RHOU: variants seen among roughly 807,000 people sequenced by gnomAD.
RHOU encodes ras homolog family member U, also known as rho-related GTP-binding protein RhoU.
RHOU carries 8 observed loss-of-function variants against 12.6 expected under a neutral mutation model. The ratio of observed to expected loss-of-function variants is 0.64; its 90% CI spans 0.37 to 1.15. The LOEUF is 1.15. Among genes scored for constraint, RHOU ranks in the 50% most tolerant of loss-of-function variants. The pLI is 0.01. For missense variants in RHOU, 258 were observed against 347.0 expected, an observed-to-expected ratio of 0.74 and a Z score of 2.04; for synonymous variants, 161 against 147.4, an observed-to-expected ratio of 1.09 and a Z score of -0.67.
the RHOU span, among the ~76,000 whole-genome samples, chr1:228,699,570 G>T: frequency 6.6e-6 from 1 of 151,480 alleles, no homozygotes; most frequent in Non-Finnish European, 1.5e-5. Context: ...TTTCATAAGA[G>T]GCCAAGTTAT....
chr1:228,663,159 C>A, the RHOU span, among the ~76,000 whole-genome samples: 1 of 152,180 alleles, frequency 6.6e-6, no homozygotes, highest in African/African-American at 2.4e-5. Context: ...TTTATGACAG[C>A]GCAGTTGCAC....
At chr1:228,703,358 C>T in the RHOU span, among the ~76,000 whole-genome samples, 1 of 151,956 alleles carries the variant, frequency 6.6e-6, no homozygotes, top group African/African-American at 2.4e-5. Context: ...AACCCCGTCT[C>T]TACTAAAAAT....
chr1:228,686,853 G>A, the RHOU span, among the ~76,000 whole-genome samples: 1 of 152,054 alleles, frequency 6.6e-6, no homozygotes, highest in South Asian at 2.1e-4. Flanking sequence ...TGATTCTCCT[G>A]CCTCAGCCTC....
At chr1:228,651,137 G>T in the RHOU span, 1 of 211,074 alleles carries the variant, frequency 4.7e-6, no homozygotes, top group South Asian at 9.8e-5. Flanking sequence ...ACCCAGCTTT[G>T]GCTTCATGGG....
the RHOU span, among the ~76,000 whole-genome samples, chr1:228,668,319 C>T: frequency 6.6e-6 from 1 of 152,190 alleles, no homozygotes; most frequent in Non-Finnish European, 1.5e-5. Flanking sequence ...TCTGTGTGCT[C>T]TTCTAGCAAA....
chr1:228,657,279 C>CAA, the RHOU span, among the ~76,000 whole-genome samples: 3,181 of 27,878 alleles, frequency 0.11, 152 homozygotes, highest in East Asian at 0.19. Context: ...AACTCCATCT[C>CAA]AAAAAAAAAA....
At chr1:228,726,461 C>T in the RHOU span, among the ~76,000 whole-genome samples, 6 of 152,120 alleles carry the variant, frequency 3.9e-5, no homozygotes, top group East Asian at 1.9e-4. Flanking sequence ...GTCAGGAGTT[C>T]GAGACTCAGC....
the RHOU span, among the ~76,000 whole-genome samples, chr1:228,677,491 A>G: frequency 6.6e-6 from 1 of 151,486 alleles, no homozygotes; most frequent in Non-Finnish European, 1.5e-5. Flanking sequence ...ATTTACAAAT[A>G]TACAGTCCCC....
the RHOU span, among the ~76,000 whole-genome samples, chr1:228,722,029 G>A: frequency 1.3e-5 from 2 of 152,172 alleles, no homozygotes; most frequent in East Asian, 3.9e-4. Flanking sequence ...CAATTCTTTG[G>A]CAAATAGGCA....
the RHOU span, chr1:228,651,385 G>A: frequency 6.4e-6 from 1 of 156,576 alleles, no homozygotes; most frequent in African/African-American, 2.4e-5. Context: ...GCTAAAACTG[G>A]GATAGAGGAA....
At chr1:228,661,895 C>A in the RHOU span, among the ~76,000 whole-genome samples, 2 of 152,146 alleles carry the variant, frequency 1.3e-5, no homozygotes, top group South Asian at 2.1e-4. Flanking sequence ...AACAGGTAAT[C>A]TACAGAATGG....
the RHOU span, among the ~76,000 whole-genome samples, chr1:228,658,492 C>T: frequency 3.9e-5 from 6 of 152,136 alleles, no homozygotes; most frequent in South Asian, 6.2e-4. Flanking sequence ...GAAGCAGAGA[C>T]GGGGCCTTCG....
chr1:228,712,823 ATAAATAAAT>A, the RHOU span, among the ~76,000 whole-genome samples: 1 of 131,812 alleles, frequency 7.6e-6, no homozygotes, highest in African/African-American at 3.2e-5. Context: ...TAATAAATAA[ATAAATAAAT>A]AAAATAAAAT....
chr1:228,727,256 A>G, the RHOU span, among the ~76,000 whole-genome samples: 1 of 152,192 alleles, frequency 6.6e-6, no homozygotes, highest in East Asian at 1.9e-4. Flanking sequence ...TCTGGGATGC[A>G]TATGATAGAG....
At chr1:228,705,613 T>G in the RHOU span, among the ~76,000 whole-genome samples, 1 of 152,182 alleles carries the variant, frequency 6.6e-6, no homozygotes, top group South Asian at 2.1e-4. Context: ...GTATTGCCAT[T>G]TACTGCCAGT....
the RHOU span, among the ~76,000 whole-genome samples, chr1:228,657,861 A>C: frequency 6.6e-6 from 1 of 152,220 alleles, no homozygotes; most frequent in Admixed American, 6.5e-5. Context: ...GTTAAAAATC[A>C]ATAATAGAAG....
rs1024998173 is a variant in RHOU at position 228,735,604 on chromosome 1, C to G, written c.-139C>G. ...GCCTTTGTCTACTGGCCGTGCGGCC[C>G]GGAACCGCCACTCTCCAGGGCCGGG... is the stretch of plus-strand genomic sequence containing the variant. On this transcript the variant is annotated 5_prime_UTR_variant, in exon 1 of 3. Coordinates refer to ENST00000366691, the MANE Select transcript of RHOU (RefSeq NM_021205.6). The surrounding 1 kb of genome is among the most constrained non-coding windows in gnomAD (Gnocchi z 8.1). The G allele has an allele frequency of 1.1e-5, 7 of 641,744 alleles. No homozygotes were observed. The highest frequency in any genetic ancestry group is 1.5e-5 in the Non-Finnish European group (7 of 472,912). The allele number at this position is 641,744 out of a possible 1,614,324, so 39.8% of individuals were successfully genotyped here.
the RHOU span, among the ~76,000 whole-genome samples, chr1:228,678,292 G>A: frequency 6.6e-6 from 1 of 152,208 alleles, no homozygotes; most frequent in African/African-American, 2.4e-5. Flanking sequence ...AGGCTGGAAG[G>A]AGATATTTTC....
the RHOU span, chr1:228,651,008 C>A: frequency 3.2e-6 from 1 of 308,664 alleles, no homozygotes; most frequent in Non-Finnish European, 6.5e-6. Flanking sequence ...GGTCCTGGTC[C>A]ACTGTGAAGC....
Sources: gnomAD v4.1 joint callset for allele counts (sites outside exome capture counted in the v4.1 genomes callset) on GRCh38, gnomAD v4.1.1 for gene constraint, Gnocchi (gnomAD v3.1) non-coding constraint, MANE v1.5 for transcripts, NCBI Gene and HGNC (gene_info 2026-07-23, HGNC 2026-07-21) for gene names.